The following PSMA3 variants were observed in gnomAD, a reference collection of about 807,000 sequenced individuals.
PSMA3 encodes proteasome 20S subunit alpha 3.
Under a neutral mutation model 40.0 loss-of-function variants are expected in PSMA3, and 8 were observed. That is an observed-to-expected ratio of 0.20 (90% CI 0.12 to 0.36). The LOEUF is 0.36. Ranked by LOEUF, PSMA3 falls within the 10% of genes least tolerant of loss-of-function variation. The pLI is 1.00. For synonymous variants in PSMA3, 110 were observed against 100.0 expected, an observed-to-expected ratio of 1.10 and a Z score of -0.59; for missense variants, 219 against 310.6, an observed-to-expected ratio of 0.70 and a Z score of 2.22.
chr14:58,265,702 G>C (rs1362131434), intron 7 of PSMA3: 1 of 152,196 alleles, frequency 6.6e-6, no homozygotes, highest in African/African-American at 2.4e-5. Flanking sequence ...GTAAAAAATA[G>C]ATTTGCCATT....
rs907549415 is a variant in PSMA3, at chr14:58,271,950, A to G, written c.*55A>G. ...ATTTCTACTCCAGTCCAATGTAACT[A>G]TTTAGCCCTGGATTATACATACTGT... On this transcript the variant is annotated 3_prime_UTR_variant, in exon 11 of 11. Transcript: ENST00000216455. 5 of 1,318,870 alleles carry G rather than the reference A, an allele frequency of 3.8e-6. No individual in the cohort carries two copies. The highest frequency in any genetic ancestry group is 1.4e-5 in the African/African-American group (1 of 69,076). 81.7% of individuals were successfully genotyped at this position (1,318,870 alleles called of 1,614,324 possible).
In PSMA3 at chr14:58,244,891, A is replaced by C. The variant is rs1199734527; in HGVS notation, c.-30A>C. ...ATAGGGGAAGCGCTCCGGGCCTGGA[A>C]TCCCTACGCGTCCCTTTGGGTTTAG... On this transcript the variant is annotated 5_prime_UTR_variant, in exon 1 of 11. Coordinates refer to ENST00000216455, the MANE Select transcript of PSMA3 (RefSeq NM_002788.4). 1 of 1,614,050 alleles carries C rather than the reference A, an allele frequency of 6.2e-7. No homozygotes were observed. Among genetic ancestry groups the C allele is most frequent in the African/African-American group, 1.3e-5 (1 of 74,922 alleles).
intron 9 of PSMA3, among the ~76,000 whole-genome samples, chr14:58,270,730 T>C (rs1890591068): frequency 6.6e-6 from 1 of 152,232 alleles, no homozygotes; most frequent in Non-Finnish European, 1.5e-5. Context: ...CATAATTTAC[T>C]TTCATTTCCA....
In PSMA3 at chr14:58,267,509, A is replaced by G; in HGVS notation, c.579A>G (p.Glu193=). The change falls in exon 8 of 11, where the codon GAA becomes GAG. Residue 193 remains glutamate (E), a synonymous_variant. Coordinates refer to ENST00000216455, the MANE Select transcript of PSMA3 (RefSeq NM_002788.4). The part of the protein sequence containing the change: ...KEMTCRDIVK[E]VAKIIYIVHD... ...TGACCTGCCGTGATATCGTTAAAGA[A>G]GTTGCAAAAATGTAAGTTGAAATTT... 1 of 1,576,432 alleles carries G rather than the reference A, an allele frequency of 6.3e-7. No individual in the cohort carries two copies. The highest frequency in any genetic ancestry group is 8.6e-7 in the Non-Finnish European group (1 of 1,165,328).
intron 2 of PSMA3, among the ~76,000 whole-genome samples, chr14:58,249,224 T>C (rs142493124): frequency 4.9e-4 from 74 of 152,188 alleles, no homozygotes; most frequent in African/African-American, 1.7e-3. Context: ...CCTCCCAAAG[T>C]GCTGGGATTA....
intron 1 of PSMA3, among the ~76,000 whole-genome samples, chr14:58,246,294 C>G (rs993074791): frequency 1.3e-5 from 2 of 152,252 alleles, no homozygotes. Flanking sequence ...TTTGCATCTA[C>G]TACAGTCTTC....
intron 9 of PSMA3, 123 bp downstream of exon 9, chr14:58,270,608 G>C: frequency 6.7e-7 from 1 of 1,501,570 alleles, no homozygotes; most frequent in Non-Finnish European, 8.9e-7. Flanking sequence ...CTAATGAAGG[G>C]AAAGTTCTGC....
chr14:58,269,201 G>A (rs1890537593), intron 8 of PSMA3, among the ~76,000 whole-genome samples: 1 of 151,874 alleles, frequency 6.6e-6, no homozygotes, highest in Admixed American at 6.6e-5. Flanking sequence ...CAAAGTGCTG[G>A]GATTACAGAT....
At chr14:58,262,212 A>T (rs1312450957) in intron 6 of PSMA3, among the ~76,000 whole-genome samples, 1 of 151,796 alleles carries the variant, frequency 6.6e-6, no homozygotes, top group African/African-American at 2.4e-5. Flanking sequence ...TACAGGCGTG[A>T]GCCACAGTGC....
intron 9 of PSMA3, 147 bp from the exon 10 acceptor site, chr14:58,270,787 C>T: frequency 1.3e-6 from 1 of 789,060 alleles, no homozygotes; most frequent in Non-Finnish European, 2.0e-6. Flanking sequence ...AGAAGCAGCA[C>T]ACAAAAATAT....
intron 7 of PSMA3, chr14:58,265,392 G>A (rs1310131468): frequency 6.6e-6 from 1 of 152,138 alleles, no homozygotes; most frequent in African/African-American, 2.4e-5. Flanking sequence ...CTTTAATTGA[G>A]GAACACTTTC....
intron 10 of PSMA3, 63 bp from the exon 11 acceptor site, chr14:58,271,788 C>T: frequency 8.3e-7 from 1 of 1,204,286 alleles, no homozygotes; most frequent in Admixed American, 1.8e-5. Context: ...GCTTAACTTG[C>T]CCACAGGTGT....
intron 10 of PSMA3, among the ~76,000 whole-genome samples, chr14:58,271,595 A>G (rs1375791452): frequency 6.6e-6 from 1 of 152,164 alleles, no homozygotes; most frequent in Non-Finnish European, 1.5e-5. Context: ...TGGCCCCCGT[A>G]AAGTGCTGGG....
chr14:58,269,027 C>T (rs1031364774), intron 8 of PSMA3, among the ~76,000 whole-genome samples: 5 of 152,108 alleles, frequency 3.3e-5, no homozygotes, highest in Admixed American at 2.0e-4. Context: ...CTCCGCCTCC[C>T]GTGTTCAAGC....
chr14:58,272,001 A>T lies in PSMA3; in HGVS notation c.*106A>T, dbSNP rs572080273. 14 of 841,696 alleles carry T rather than the reference A, an allele frequency of 1.7e-5. No individual in the cohort carries two copies. The highest frequency in any genetic ancestry group is 2.4e-5 in the Non-Finnish European group (13 of 531,862). The allele number at this position is 841,696 out of a possible 1,614,324, so 52.1% of individuals were successfully genotyped here. A position where few individuals can be genotyped will look rare whatever the true frequency, so the allele number is the denominator to read the frequency against. On this transcript the variant is annotated 3_prime_UTR_variant, in exon 11 of 11. Transcript: ENST00000216455. ...CCAATTTTCATTAAATTTTTGTCTT[A>T]TAACTATTGAAGTTTGGTTAATATC...
intron 6 of PSMA3, among the ~76,000 whole-genome samples, chr14:58,261,446 G>A (rs1890278363): frequency 3.3e-5 from 5 of 152,014 alleles, no homozygotes; most frequent in African/African-American, 7.3e-5. Context: ...CCCAAAGTGC[G>A]AGTATTACAG....
At chr14:58,256,116 AGT>A (rs2140085486) in intron 3 of PSMA3, among the ~76,000 whole-genome samples, 1 of 151,580 alleles carries the variant, frequency 6.6e-6, no homozygotes, top group Non-Finnish European at 1.5e-5. Flanking sequence ...GGCCTCCCAA[AGT>A]GCTGGGATCA....
chr14:58,267,249 GCCTCGGCCTCCCAAAGTGC>G (rs1890469979), intron 7 of PSMA3: 1 of 696,966 alleles, frequency 1.4e-6, no homozygotes, highest in East Asian at 6.5e-5. Context: ...CAATCCGGCC[GCCTCGGCCTCCCAAAGTGC>G]TGGGATTACA....
In PSMA3 at chr14:58,263,936, T is replaced by C. The variant is rs572626898; in HGVS notation, c.543+166T>C. On this transcript the variant is annotated intron_variant, in intron 7 of 10. Transcript: ENST00000216455. ...GATAGCTGATGAGCTTAAAAAAAAA[T>C]CTCATCATGTGTTAAGAAAGTTTAC... is the stretch of plus-strand genomic sequence containing the variant. Among the ~76,000 whole-genome samples, 75 of 152,204 alleles carry C rather than the reference T, an allele frequency of 4.9e-4. 1 individual carries two copies. The South Asian group carries it at 0.013, about 27-fold the overall frequency.
Sources: gnomAD v4.1 joint callset for allele counts (sites outside exome capture counted in the v4.1 genomes callset) on GRCh38, gnomAD v4.1.1 for gene constraint, MANE v1.5 for transcripts, NCBI Gene and HGNC (gene_info 2026-07-23, HGNC 2026-07-21) for gene names.